Variants in SRGN observed in about 807,000 individuals in gnomAD.
SRGN encodes the protein hematopoetic proteoglycan core peptide.
In SRGN, 2 loss-of-function variants were observed where a neutral mutation model predicts 9.5. The ratio of observed to expected loss-of-function variants is 0.21; its 90% confidence interval spans 0.09 to 0.66. The LOEUF is 0.66. Among genes scored for constraint, SRGN ranks in the 30% least tolerant of loss-of-function variants. SRGN has a pLI of 0.83. For synonymous variants in SRGN, 59 were observed against 72.3 expected (o/e 0.82, Z 0.93); for missense variants, 170 against 192.4 (o/e 0.88, Z 0.69).
At chr10:69,095,195 C>T (rs1840151626) in intron 1 of SRGN, among the ~76,000 whole-genome samples, 1 of 151,322 alleles carries the variant, frequency 6.6e-6, no homozygotes, top group Non-Finnish European at 1.5e-5. Flanking sequence ...GTCATCCCAG[C>T]TACTCGGGAG....
At chr10:69,091,316 C>A (rs1024932043) in intron 1 of SRGN, among the ~76,000 whole-genome samples, 1 of 152,082 alleles carries the variant, frequency 6.6e-6, no homozygotes, top group Admixed American at 6.6e-5. Flanking sequence ...AACAAACAAA[C>A]AAAAAATCCT....
At chr10:69,101,406 T>C (rs1434492365) in intron 2 of SRGN, among the ~76,000 whole-genome samples, 1 of 152,230 alleles carries the variant, frequency 6.6e-6, no homozygotes, top group African/African-American at 2.4e-5. Flanking sequence ...ACCCTGGCTG[T>C]TGCAGCTTCC....
chr10:69,103,971 A>C lies in SRGN; in HGVS notation c.328A>C (p.Ser110Arg). Residue 110 changes from serine to arginine, a missense_variant, in exon 3 of 3, where the codon AGT (serine) becomes CGT (arginine). Physicochemically the swap from Ser to Arg is moderately radical, Grantham distance 110. Coordinates refer to ENST00000242465, the MANE Select transcript of SRGN (RefSeq NM_002727.4). ...SGSGSGSGSG[S>R]GFLTEMEQDY... ...CTCCGGCTCTGGATCAGGATCTGGG[A>C]GTGGCTTCCTAACGGAAATGGAACA... 1 of 1,614,128 alleles carries C rather than the reference A, an allele frequency of 6.2e-7. No individual in the cohort carries two copies. The highest frequency in any genetic ancestry group is 8.5e-7 in the Non-Finnish European group (1 of 1,180,028).
chr10:69,089,381 A>G (rs562546049), intron 1 of SRGN, among the ~76,000 whole-genome samples: 1 of 152,316 alleles, frequency 6.6e-6, no homozygotes, highest in East Asian at 1.9e-4. Flanking sequence ...AGCTTGATGA[A>G]ATAATTCCCG....
chr10:69,101,452 C>T (rs1840289336), intron 2 of SRGN, among the ~76,000 whole-genome samples: 1 of 152,148 alleles, frequency 6.6e-6, no homozygotes, highest in African/African-American at 2.4e-5. Context: ...ATCCTTTTCC[C>T]ATGCATCTTC....
intron 2 of SRGN, among the ~76,000 whole-genome samples, chr10:69,099,685 A>G (rs150422904): frequency 1.3e-5 from 2 of 152,264 alleles, no homozygotes; most frequent in East Asian, 3.9e-4. Flanking sequence ...ACAATCTTCA[A>G]TATGCAACTT....
At chr10:69,095,200 C>T (rs894460290) in intron 1 of SRGN, among the ~76,000 whole-genome samples, 2 of 150,416 alleles carry the variant, frequency 1.3e-5, no homozygotes, top group African/African-American at 2.5e-5. Flanking sequence ...CCCAGCTACT[C>T]GGGAGGCTGA....
In SRGN at chr10:69,103,975, G is replaced by T. The variant is rs1840343797; in HGVS notation, c.332G>T (p.Gly111Val). 6.2e-7 allele frequency: 1 copy of T among 1,614,184 alleles called. No individual in the cohort carries two copies. Among genetic ancestry groups the T allele is most frequent in the East Asian group, 2.2e-5 (1 of 44,890 alleles). ...GGCTCTGGATCAGGATCTGGGAGTGGCTTCCTAACGGAAATGGAACAGGAT... is the reference window on the plus strand; with the variant it reads ...GGCTCTGGATCAGGATCTGGGAGTGTCTTCCTAACGGAAATGGAACAGGAT... Reference protein sequence around the residue: ...GSGSGSGSGSGFLTEMEQDYQ... With the variant: ...GSGSGSGSGSVFLTEMEQDYQ... Residue 111 changes from glycine (G) to valine (V), a missense_variant, in exon 3 of 3, where the codon GGC becomes GTC. Transcript: ENST00000242465.
chr10:69,094,210 C>T (rs1840127929), intron 1 of SRGN, among the ~76,000 whole-genome samples: 2 of 152,158 alleles, frequency 1.3e-5, no homozygotes, highest in South Asian at 2.1e-4. Context: ...CTGCCTTATC[C>T]CCAGCCTCCA....
At chr10:69,098,948 C>T (rs1444837413) in intron 2 of SRGN, among the ~76,000 whole-genome samples, 1 of 151,534 alleles carries the variant, frequency 6.6e-6, no homozygotes, top group African/African-American at 2.4e-5. Flanking sequence ...CAGAGTAAGA[C>T]TCTGTCTCAA....
upstream of SRGN, chr10:69,088,036 G>T: frequency 7.0e-6 from 5 of 716,184 alleles, no homozygotes; most frequent in Non-Finnish European, 1.2e-5. Context: ...AGGAAATTGT[G>T]ACGTGTGTTC....
intron 1 of SRGN, among the ~76,000 whole-genome samples, chr10:69,088,620 A>G (rs1356515829): frequency 6.6e-6 from 1 of 152,080 alleles, no homozygotes; most frequent in Non-Finnish European, 1.5e-5. Flanking sequence ...CATCAGCCCC[A>G]AGTTTTAGTG....
chr10:69,102,016 T>C (rs1840302409), intron 2 of SRGN, among the ~76,000 whole-genome samples: 1 of 151,946 alleles, frequency 6.6e-6, no homozygotes, highest in Non-Finnish European at 1.5e-5. Flanking sequence ...GCCACTGCAC[T>C]CCAGCCTGCA....
chr10:69,099,391 G>A (rs1047674374), intron 2 of SRGN, among the ~76,000 whole-genome samples: 2 of 149,472 alleles, frequency 1.3e-5, no homozygotes, highest in African/African-American at 4.9e-5. Flanking sequence ...CTGCAGCCTC[G>A]AACTCCTCAA....
At chr10:69,093,254 A>C (rs1840102237) in intron 1 of SRGN, among the ~76,000 whole-genome samples, 1 of 152,224 alleles carries the variant, frequency 6.6e-6, no homozygotes, top group Admixed American at 6.5e-5. Context: ...TGGAACCCTT[A>C]GTATGAAGAA....
chr10:69,091,238 G>A (rs1417408992), intron 1 of SRGN, among the ~76,000 whole-genome samples: 4 of 152,320 alleles, frequency 2.6e-5, no homozygotes, highest in Middle Eastern at 3.4e-3. Context: ...GGCTGAACTG[G>A]TCGTCTGATT....
chr10:69,097,060 T>C, intron 1 of SRGN, 24 bp from the exon 2 acceptor site: 1 of 1,611,112 alleles, frequency 6.2e-7, no homozygotes, highest in East Asian at 2.2e-5. Context: ...AGATACTTAG[T>C]AACAATGTGG....
At chr10:69,098,847 CTA>C (rs1840232192) in intron 2 of SRGN, 1 of 152,120 alleles carries the variant, frequency 6.6e-6, no homozygotes, top group Non-Finnish European at 1.5e-5. Flanking sequence ...GTGGTCCCAG[CTA>C]CTCGGGAGGC....
At chr10:69,091,211 C>A (rs1357886519) in intron 1 of SRGN, among the ~76,000 whole-genome samples, 1 of 152,192 alleles carries the variant, frequency 6.6e-6, no homozygotes, top group Non-Finnish European at 1.5e-5. Context: ...GCCCAAGACC[C>A]ATTACAACTA....
Sources: gnomAD v4.1 joint callset for allele counts (sites outside exome capture counted in the v4.1 genomes callset) on GRCh38, gnomAD v4.1.1 for gene constraint, MANE v1.5 for transcripts, NCBI Gene and HGNC (gene_info 2026-07-23, HGNC 2026-07-21) for gene names.